Variants in TRAK1 observed in about 807,000 individuals in gnomAD.
The protein encoded by TRAK1 is trafficking kinesin-binding protein 1.
TRAK1 carries 33 observed loss-of-function variants against 92.1 expected under a neutral mutation model. The observed-to-expected ratio is 0.36, with a 90% confidence interval of 0.27 to 0.48. The LOEUF (loss-of-function observed/expected upper bound fraction) is 0.48. TRAK1 is among the 20% of genes least tolerant of loss of function. The probability of loss-of-function intolerance (pLI) is 0.99; values close to 1 mark genes in which losing one functional copy is unlikely to be tolerated. For synonymous variants in TRAK1, 521 were observed against 517.3 expected, an observed-to-expected ratio of 1.01 and a Z score of -0.10; for missense variants, 1,123 against 1,257.9, an observed-to-expected ratio of 0.89 and a Z score of 1.62.
At position 42,042,933 on chromosome 3, in the gene TRAK1, T is replaced by G. The variant is rs544514362; in HGVS notation, c.-519+28816T>G. Among the ~76,000 whole-genome samples the G allele has an allele frequency of 1.1e-3, 160 of 152,186 alleles. 1 individual carries two copies. The highest frequency in any genetic ancestry group is 3.7e-3 in the African/African-American group (153 of 41,540). On this transcript the variant is annotated intron_variant, in intron 1 of 16. Coordinates refer to the TRAK1 transcript ENST00000487159. ...GTCTGGACGTGTGGCTAATTATACT[T>G]ATCTCCTCATCTCGTCTTTAAAAAA...
chr3:42,107,982 C>G (rs1208362145), intron 1 of TRAK1, among the ~76,000 whole-genome samples: 1 of 151,724 alleles, frequency 6.6e-6, no homozygotes, highest in Non-Finnish European at 1.5e-5. Context: ...GCCATCATGT[C>G]TGAATTCCAG....
At chr3:42,057,115 A>G (rs6788529) in intron 1 of TRAK1, among the ~76,000 whole-genome samples, 15,169 of 152,174 alleles carry the variant, frequency 0.1, 2,600 homozygotes, top group African/African-American at 0.35. Context: ...GAACTAGGAC[A>G]CTGGTGCATT....
chr3:42,212,674 A>T (rs1206782498), intron 14 of TRAK1: 5 of 588,810 alleles, frequency 8.5e-6, no homozygotes, highest in Non-Finnish European at 8.6e-6. Flanking sequence ...GTTTTAATTT[A>T]TATAGAAAGT....
chr3:42,211,364 G>T (rs1478962431), intron 14 of TRAK1: 2 of 985,250 alleles, frequency 2.0e-6, no homozygotes, highest in Non-Finnish European at 2.4e-6. Context: ...TTTATTTATG[G>T]TTTGATTTTT....
upstream of TRAK1, among the ~76,000 whole-genome samples, chr3:42,088,942 C>A (rs185296490): frequency 1.3e-5 from 2 of 152,290 alleles, no homozygotes; most frequent in African/African-American, 4.8e-5. Context: ...GTTTTAAAAT[C>A]GCCTTCTGTA....
intron 14 of TRAK1, chr3:42,211,767 T>G (rs1217814523): frequency 1.0e-6 from 1 of 985,272 alleles, no homozygotes; most frequent in Admixed American, 6.1e-5. Context: ...TCCTGGCCAC[T>G]CTCCTTAAAA....
At chr3:42,176,428 A>G (rs180851747) in intron 2 of TRAK1, among the ~76,000 whole-genome samples, 6 of 152,272 alleles carry the variant, frequency 3.9e-5, no homozygotes, top group Admixed American at 3.9e-4. Flanking sequence ...TGGAGTCTAA[A>G]TCCTACAGGC....
chr3:42,096,185 A>AT (rs1277158544), intron 1 of TRAK1, among the ~76,000 whole-genome samples: 1 of 152,188 alleles, frequency 6.6e-6, no homozygotes, highest in Non-Finnish European at 1.5e-5. Flanking sequence ...TTTGTAATTC[A>AT]TTTTTTTGTT....
At chr3:42,210,586 C>T (rs1407669840) in intron 14 of TRAK1, 4 of 1,058,450 alleles carry the variant, frequency 3.8e-6, no homozygotes, top group African/African-American at 1.7e-5. Flanking sequence ...TAAATGAGAT[C>T]ATCTGTTACC....
At chr3:42,141,687 T>C (rs755339639) in intron 2 of TRAK1, among the ~76,000 whole-genome samples, 6 of 152,148 alleles carry the variant, frequency 3.9e-5, no homozygotes, top group Non-Finnish European at 7.4e-5. Context: ...TCGACATTGC[T>C]AGGTTTGTGG....
intron 2 of TRAK1, among the ~76,000 whole-genome samples, chr3:42,162,264 A>G (rs956015412): frequency 1.3e-5 from 2 of 151,954 alleles, no homozygotes; most frequent in East Asian, 1.9e-4. Flanking sequence ...TATATAATGT[A>G]TATAAATATG....
At chr3:42,150,190 C>T (rs1057446108) in intron 2 of TRAK1, among the ~76,000 whole-genome samples, 1 of 151,712 alleles carries the variant, frequency 6.6e-6, no homozygotes, top group Non-Finnish European at 1.5e-5. Context: ...ATGGGAGGGG[C>T]AGGGAAAGAA....
chr3:42,059,451 A>G (rs1307357930), intron 1 of TRAK1, among the ~76,000 whole-genome samples: 1 of 152,148 alleles, frequency 6.6e-6, no homozygotes, highest in Non-Finnish European at 1.5e-5. Flanking sequence ...TATCTTTTTG[A>G]TAGTCTTTAT....
chr3:42,172,639 C>T (rs972176634), intron 2 of TRAK1, among the ~76,000 whole-genome samples: 1 of 152,124 alleles, frequency 6.6e-6, no homozygotes, highest in South Asian at 2.1e-4. Context: ...TGTCAGGCTT[C>T]GAACCCCCTG....
At chr3:42,110,930 C>G (rs182318331) in intron 1 of TRAK1, among the ~76,000 whole-genome samples, 89 of 152,298 alleles carry the variant, frequency 5.8e-4, no homozygotes, top group African/African-American at 1.9e-3. Context: ...TGAGCAGACC[C>G]TGTCTTTGCC....
intron 1 of TRAK1, among the ~76,000 whole-genome samples, chr3:42,080,402 C>G (rs756682041): frequency 6.6e-6 from 1 of 152,140 alleles, no homozygotes; most frequent in Non-Finnish European, 1.5e-5. Context: ...GAAAAATTGA[C>G]CTGGTTGCAG....
chr3:42,217,539 A>G (rs1709857838), intron 14 of TRAK1: 1 of 985,296 alleles, frequency 1.0e-6, no homozygotes. Flanking sequence ...TTGAAGATCC[A>G]ATATGTAAGA....
At chr3:42,021,504 T>G (rs1265568259) in intron 1 of TRAK1, among the ~76,000 whole-genome samples, 3 of 152,218 alleles carry the variant, frequency 2.0e-5, no homozygotes, top group Non-Finnish European at 4.4e-5. Flanking sequence ...GATTGTTGCT[T>G]AGGTGTGTTG....
In TRAK1 at chr3:42,223,532, C is replaced by G; in HGVS notation, c.2657C>G (p.Pro886Arg). The change falls in exon 16 of 16, where the codon CCC (proline) becomes CGC (arginine). Residue 886 changes from proline (P) to arginine (R), a missense_variant. Coordinates refer to ENST00000327628, the MANE Select transcript of TRAK1 (RefSeq NM_001042646.3). This position sits in a 1 kb window ranked among gnomAD's most constrained non-coding sequence, Gnocchi z 6.1. ...CCGGGGCCAGCACCAGCCCTTGTTC[C>G]CAGAGGCCTGGTACCTGAGGGCCTG... ...GPPGPAPALV[P>R]RGLVPEGLPL... 2 of 1,613,778 alleles carry G rather than the reference C, an allele frequency of 1.2e-6. No individual in the cohort carries two copies. Among genetic ancestry groups the G allele is most frequent in the Non-Finnish European group, 1.7e-6 (2 of 1,179,924 alleles).
Sources: gnomAD v4.1 joint callset for allele counts (sites outside exome capture counted in the v4.1 genomes callset) on GRCh38, gnomAD v4.1.1 for gene constraint, Gnocchi (gnomAD v3.1) non-coding constraint, MANE v1.5 for transcripts, NCBI Gene and HGNC (gene_info 2026-07-23, HGNC 2026-07-21) for gene names.